TSHZ1: variants seen among roughly 807,000 people sequenced by gnomAD.
TSHZ1 encodes the protein teashirt homolog 1.
In TSHZ1, 12 loss-of-function variants were observed where a neutral mutation model predicts 67.1. That is an observed-to-expected ratio of 0.18 (90% confidence interval 0.11 to 0.29). TSHZ1 has a LOEUF of 0.29. TSHZ1 is among the 10% of genes least tolerant of loss of function. The pLI, the probability that TSHZ1 is intolerant of heterozygous loss-of-function variation, is 1.00. For missense variants in TSHZ1, 1,305 were observed against 1,413.9 expected (o/e 0.92, Z 1.23); for synonymous variants, 632 against 622.4 (o/e 1.02, Z -0.23).
chr18:75,242,029 A>T (rs1423479587), intron 1 of TSHZ1, among the ~76,000 whole-genome samples: 1 of 150,826 alleles, frequency 6.6e-6, no homozygotes, highest in East Asian at 1.9e-4. Context: ...TTCTGGGAGG[A>T]TATGAATTTT....
Position 75,285,599 on chromosome 18 carries a change from C to T in TSHZ1, c.192C>T (p.Val64=). The T allele has an allele frequency of 6.2e-7, 1 of 1,609,556 alleles. No individual in the cohort carries two copies. Among genetic ancestry groups the T allele is most frequent in the Non-Finnish European group, 8.5e-7 (1 of 1,176,666 alleles). ...CGCAGAGCTACCAGAACTCCCCAGT[C>T]AGCTCTGCGACTAACCAGGACGCCG... ...KEAQSYQNSP[V]SSATNQDAGY... Residue 64 remains valine (V), a synonymous_variant, in exon 2 of 2, where the codon GTC becomes GTT. Coordinates refer to ENST00000580243, the MANE Select transcript of TSHZ1 (RefSeq NM_001308210.2).
rs1599062608 is a variant in TSHZ1 at position 75,287,569 on chromosome 18, C to T, written c.2162C>T (p.Ala721Val). The T allele has an allele frequency of 6.2e-7, 1 of 1,614,230 alleles. No homozygotes were observed. Among genetic ancestry groups the T allele is most frequent in the Non-Finnish European group, 8.5e-7 (1 of 1,180,040 alleles). The change falls in exon 2 of 2, where the codon GCA becomes GTA. Residue 721 changes from alanine (A) to valine (V), a missense_variant. Coordinates refer to ENST00000580243, the MANE Select transcript of TSHZ1 (RefSeq NM_001308210.2). The surrounding 1 kb of genome is among the most constrained non-coding windows in gnomAD (Gnocchi z 5.0). Reference protein sequence around the residue: ...HTPNGTEPLKAKVTNGCNNLG... With the variant: ...HTPNGTEPLKVKVTNGCNNLG... ...CCAAATGGCACAGAGCCTCTCAAAG[C>T]AAAGGTCACCAACGGCTGTAACAAC...
chr18:75,238,391 G>A (rs1304800166), intron 1 of TSHZ1, among the ~76,000 whole-genome samples: 3 of 152,294 alleles, frequency 2.0e-5, no homozygotes, highest in African/African-American at 7.2e-5. Context: ...TGCGGGGTAC[G>A]TTGGAAGCTC....
chr18:75,279,693 A>T (rs1258275430), intron 1 of TSHZ1, among the ~76,000 whole-genome samples: 1 of 152,224 alleles, frequency 6.6e-6, no homozygotes, highest in African/African-American at 2.4e-5. Flanking sequence ...CCCAGACACC[A>T]TCTGCATCCC....
chr18:75,253,986 A>C (rs2023335093), intron 1 of TSHZ1, among the ~76,000 whole-genome samples: 1 of 152,220 alleles, frequency 6.6e-6, no homozygotes, highest in Admixed American at 6.5e-5. Context: ...CCTGTTGCGT[A>C]ATCTCCAGAT....
intron 1 of TSHZ1, among the ~76,000 whole-genome samples, chr18:75,262,497 A>G (rs2023442532): frequency 6.6e-6 from 1 of 152,228 alleles, no homozygotes; most frequent in Non-Finnish European, 1.5e-5. Context: ...GGCTTATGAT[A>G]TGAATGTAAA....
At chr18:75,266,746 G>T (rs11872521) in intron 1 of TSHZ1, among the ~76,000 whole-genome samples, 3 of 152,184 alleles carry the variant, frequency 2.0e-5, no homozygotes, top group East Asian at 3.8e-4. Flanking sequence ...GGAGCTGGGC[G>T]CTGAGTCCTG....
At position 75,288,618 on chromosome 18, in the gene TSHZ1, G is replaced by A. The variant is rs1468137853; in HGVS notation, c.3211G>A (p.Val1071Met). 12 of 1,601,218 alleles carry A rather than the reference G, an allele frequency of 7.5e-6. No individual in the cohort carries two copies. Among genetic ancestry groups the A allele is most frequent in the South Asian group, 1.1e-5 (1 of 88,840 alleles). Residue 1071 changes from valine to methionine, a missense_variant, in exon 2 of 2, where the codon GTG (valine) becomes ATG (methionine). Physicochemically the swap from Val to Met is conservative, Grantham distance 21 (BLOSUM62 1). Transcript: ENST00000580243. This position sits in a 1 kb window ranked among gnomAD's most constrained non-coding sequence, Gnocchi z 4.9. ...GTCTCCCGAGGACCACCTGATCTATGTGACTGAGTTGGAGAAACAGTAGCG... is the reference window on the plus strand; with the variant it reads ...GTCTCCCGAGGACCACCTGATCTATATGACTGAGTTGGAGAAACAGTAGCG... The part of the protein sequence containing the change: ...GKSPEDHLIY[V>M]TELEKQ
chr18:75,227,623 T>G (rs2022943242), intron 1 of TSHZ1, among the ~76,000 whole-genome samples: 1 of 152,232 alleles, frequency 6.6e-6, no homozygotes, highest in African/African-American at 2.4e-5. Context: ...TGTGAGAATG[T>G]GAGAAAAGTT....
chr18:75,241,603 A>C (rs1160472059), intron 1 of TSHZ1, among the ~76,000 whole-genome samples: 1 of 152,156 alleles, frequency 6.6e-6, no homozygotes. Context: ...TGTTTATTCC[A>C]TCTTGTTTAT....
chr18:75,239,077 G>A (rs1039130515), intron 1 of TSHZ1, among the ~76,000 whole-genome samples: 9 of 152,216 alleles, frequency 5.9e-5, no homozygotes, highest in African/African-American at 1.2e-4. Context: ...AGGTGGCCGC[G>A]GTGTAAACTT....
At chr18:75,285,344 G>T (rs1310140129) in intron 1 of TSHZ1, 104 bp from the exon 2 acceptor site, 8 of 1,359,890 alleles carry the variant, frequency 5.9e-6, no homozygotes, top group African/African-American at 1.5e-5. Context: ...TGTCCTGGGG[G>T]CTAGGCTGAC....
rs2022692893 is a variant in TSHZ1, at chr18:75,211,708, C to T, written c.-169C>T. ...CCTGAGCGGCCCCGGGCGCGGCGGT[C>T]CATGCGAGCGGCTCCCCGCGGTCCG... On this transcript the variant is annotated 5_prime_UTR_variant, in exon 1 of 2. Transcript: ENST00000580243. The T allele has an allele frequency of 1.0e-5, 2 of 193,802 alleles. No individual in the cohort carries two copies. The allele number at this position is 193,802 out of a possible 1,614,324, so 12.0% of individuals were successfully genotyped here. A position where few individuals can be genotyped will look rare whatever the true frequency, so the allele number is the denominator to read the frequency against.
intron 1 of TSHZ1, among the ~76,000 whole-genome samples, chr18:75,252,876 AC>A (rs141666704): frequency 0.019 from 2,920 of 151,810 alleles, 101 homozygotes; most frequent in African/African-American, 0.067. Context: ...CTTTCTACCC[AC>A]CCCCTGTGCC....
At chr18:75,244,765 G>C (rs1182359865) in intron 1 of TSHZ1, 1 of 152,392 alleles carries the variant, frequency 6.6e-6, no homozygotes, top group Non-Finnish European at 1.5e-5. Flanking sequence ...TGGGGGATGA[G>C]GTTCCCGGTG....
chr18:75,251,967 A>G (rs2023309772), intron 1 of TSHZ1, among the ~76,000 whole-genome samples: 1 of 152,230 alleles, frequency 6.6e-6, no homozygotes. Context: ...AAAATTTAAA[A>G]ATTAATGAAA....
chr18:75,214,769 GCTT>G (rs1380293943), intron 1 of TSHZ1, among the ~76,000 whole-genome samples: 2 of 152,094 alleles, frequency 1.3e-5, no homozygotes, highest in African/African-American at 4.8e-5. Context: ...TAATGAAGCG[GCTT>G]CTTAATTATC....
At chr18:75,285,374 A>G in intron 1 of TSHZ1, 74 bp from the exon 2 acceptor site, 3 of 1,406,934 alleles carry the variant, frequency 2.1e-6, no homozygotes, top group Non-Finnish European at 1.8e-6. Flanking sequence ...TTTAAAGATC[A>G]TCTAACTGCT....
At chr18:75,220,070 T>C (rs917909316) in intron 1 of TSHZ1, among the ~76,000 whole-genome samples, 20 of 152,202 alleles carry the variant, frequency 1.3e-4, no homozygotes, top group Admixed American at 5.9e-4. Flanking sequence ...AGGAGTTTTG[T>C]TACATTTTAA....
Sources: gnomAD v4.1 joint callset for allele counts (sites outside exome capture counted in the v4.1 genomes callset) on GRCh38, gnomAD v4.1.1 for gene constraint, Gnocchi (gnomAD v3.1) non-coding constraint, MANE v1.5 for transcripts, NCBI Gene and HGNC (gene_info 2026-07-23, HGNC 2026-07-21) for gene names.